The following DEAF1 variants were observed in gnomAD, a reference collection of about 807,000 sequenced individuals.
The protein encoded by DEAF1 is DEAF1 transcription factor.
In DEAF1, 53 loss-of-function variants were observed where a neutral mutation model predicts 58.9. The ratio of observed to expected loss-of-function variants is 0.90; its 90% CI spans 0.72 to 1.13. The LOEUF is 1.13. DEAF1 is among the 50% of genes most tolerant of loss of function. The pLI, the probability that DEAF1 is intolerant of heterozygous loss-of-function variation, is 0.00. For synonymous variants in DEAF1, 385 were observed against 340.4 expected (o/e 1.13, Z -1.44); for missense variants, 685 against 791.4 (o/e 0.87, Z 1.61).
chr11:703,633 A>G, intron 1 of DEAF1: 1 of 1,232,874 alleles, frequency 8.1e-7, no homozygotes, highest in Non-Finnish European at 1.0e-6. Flanking sequence ...GTCGGGCTGG[A>G]GACGCAGGAT....
At position 686,838 on chromosome 11, in the gene DEAF1, G is replaced by A; in HGVS notation, c.804+20C>T. 6.2e-7 allele frequency: 1 copy of A among 1,613,958 alleles called. No individual in the cohort carries two copies. Among genetic ancestry groups the A allele is most frequent in the South Asian group, 1.1e-5 (1 of 91,090 alleles). ...ACGTCTGAACTGTGTGCTGAGCACA[G>A]GTGAGGTCACGGACGATACCTGGAT... On this transcript the variant is annotated intron_variant, in intron 5 of 11. Transcript: ENST00000382409.
At chr11:686,498 T>C (rs1860598938) in intron 5 of DEAF1, among the ~76,000 whole-genome samples, 1 of 152,150 alleles carries the variant, frequency 6.6e-6, no homozygotes, top group African/African-American at 2.4e-5. Context: ...AGAAGTTAGG[T>C]GACTTTGAAA....
chr11:692,853 C>CAA (rs397953739), intron 1 of DEAF1, among the ~76,000 whole-genome samples: 278 of 140,826 alleles, frequency 2.0e-3, no homozygotes, highest in Non-Finnish European at 2.1e-3. Context: ...AACTCCGTCT[C>CAA]AAAAAAAAAA....
chr11:651,613 G>A (rs1858776235), intron 11 of DEAF1, among the ~76,000 whole-genome samples: 1 of 152,136 alleles, frequency 6.6e-6, no homozygotes, highest in Non-Finnish European at 1.5e-5. Flanking sequence ...GCTGGGCACG[G>A]TGGCTCACGC....
chr11:667,402 GGGAGGGAA>G lies in DEAF1; in HGVS notation c.1503+7126_1503+7133del, dbSNP rs1469256167. 3.2e-3 allele frequency among the ~76,000 whole-genome samples: 463 copies of G among 146,306 alleles called. 4 individuals are homozygous for G. Among genetic ancestry groups the G allele is most frequent in the Middle Eastern group, 3.4e-3 (1 of 290 alleles). On this transcript the variant is annotated intron_variant, in intron 10 of 11. Transcript: ENST00000382409. The stretch of plus-strand genomic sequence containing the variant: ...AAGGAAGGAAGGAGAGAGGGAGGGA[GGGAGGGAA>G]GGAGGGAAGGAGGAAAAGAGGAAAG...
chr11:656,498 T>C (rs1859061600), intron 10 of DEAF1, among the ~76,000 whole-genome samples: 1 of 152,262 alleles, frequency 6.6e-6, no homozygotes, highest in Admixed American at 6.5e-5. Context: ...ACAGAGAAGC[T>C]TCTCGAAGGA....
intron 10 of DEAF1, among the ~76,000 whole-genome samples, chr11:666,897 AG>A (rs370267164): frequency 1.3e-5 from 2 of 149,240 alleles, no homozygotes; most frequent in East Asian, 2.0e-4. Context: ...AAAAAAAAAA[AG>A]AAAAAAAGAA....
At chr11:687,499 G>T (rs567815431) in intron 4 of DEAF1, among the ~76,000 whole-genome samples, 1 of 152,154 alleles carries the variant, frequency 6.6e-6, no homozygotes, top group Non-Finnish European at 1.5e-5. Context: ...TTTTGTTGTC[G>T]TTGTTGTTGA....
intron 11 of DEAF1, among the ~76,000 whole-genome samples, chr11:652,772 A>G (rs1308207505): frequency 6.6e-6 from 1 of 152,158 alleles, no homozygotes; most frequent in Non-Finnish European, 1.5e-5. Flanking sequence ...AATATGAGAA[A>G]AAAAAACCAT....
chr11:693,007 A>C (rs1364964960), intron 1 of DEAF1, among the ~76,000 whole-genome samples: 1 of 152,210 alleles, frequency 6.6e-6, no homozygotes, highest in East Asian at 1.9e-4. Flanking sequence ...CAGCCCTGGG[A>C]GCAGCCGCCC....
rs1263914066 is a variant in DEAF1, at chr11:678,835, A to G, written c.1127-13T>C. ...CTGGCCTCTTGGACTGTTGGGGAGAAAAAGGACAGGGAGGCTCGGGATGGT... is the reference window on the plus strand; with the variant it reads ...CTGGCCTCTTGGACTGTTGGGGAGAGAAAGGACAGGGAGGCTCGGGATGGT... On this transcript the variant is annotated splice_polypyrimidine_tract_variant and intron_variant, in intron 8 of 11. Transcript: ENST00000382409. The G allele has an allele frequency of 6.2e-7, 1 of 1,613,574 alleles. No homozygotes were observed. Among genetic ancestry groups the G allele is most frequent in the Admixed American group, 1.7e-5 (1 of 59,994 alleles).
upstream of DEAF1, chr11:695,783 A>C (rs1861106093): frequency 8.1e-7 from 1 of 1,236,546 alleles, no homozygotes; most frequent in South Asian, 3.8e-5. Context: ...GCGCGGGCCG[A>C]GAGGCTGCCG....
chr11:654,047 G>T lies in DEAF1; in HGVS notation c.1508C>A (p.Ser503Tyr), dbSNP rs764483994. Residue 503 changes from serine (S) to tyrosine (Y), a missense_variant, in exon 11 of 12, where the codon TCC becomes TAC. Physicochemically the swap from Ser to Tyr is moderately radical, Grantham distance 144. Coordinates refer to ENST00000382409, the MANE Select transcript of DEAF1 (RefSeq NM_021008.4). ...AGCCTCCCGGCCGCAGTTAACGCAG[G>T]ACTGCTGCAAGAAGGACACAACAGG... ...IHADAERKEQ[S>Y]CVNCGREAMS... 2 of 1,613,136 alleles carry T rather than the reference G, an allele frequency of 1.2e-6. No homozygotes were observed. Among genetic ancestry groups the T allele is most frequent in the South Asian group, 2.2e-5 (2 of 91,046 alleles).
In DEAF1 at chr11:674,180, T is replaced by C. The variant is rs142103714; in HGVS notation, c.1503+356A>G. On this transcript the variant is annotated intron_variant, in intron 10 of 11. Coordinates refer to ENST00000382409, the MANE Select transcript of DEAF1 (RefSeq NM_021008.4). ...CAGTCGCTGATACTCAGAGACTCAA[T>C]AGATGATGTTCTCCAAACTTCATAA... is the stretch of plus-strand genomic sequence containing the variant. 279 of 343,764 alleles carry C rather than the reference T, an allele frequency of 8.1e-4. 4 individuals carry two copies. The Admixed American group carries it at 9.4e-3, about 12-fold the overall frequency. The allele number at this position is 343,764 out of a possible 1,614,324, so 21.3% of individuals were successfully genotyped here.
intron 1 of DEAF1, chr11:700,826 C>T (rs1005811948): frequency 6.3e-6 from 6 of 959,916 alleles, no homozygotes; most frequent in African/African-American, 4.8e-5. Context: ...ATCCAAACTG[C>T]TTACCCAGTT....
At chr11:693,950 C>T (rs1177108397) in intron 1 of DEAF1, among the ~76,000 whole-genome samples, 1 of 152,082 alleles carries the variant, frequency 6.6e-6, no homozygotes, top group Non-Finnish European at 1.5e-5. Flanking sequence ...GGAGCCTGCA[C>T]AGGTGGCTCC....
Position 674,721 on chromosome 11 carries a change from C to A in DEAF1, c.1318G>T (p.Ala440Ser). Residue 440 changes from alanine (A) to serine (S), a missense_variant, in exon 10 of 12, where the codon GCG becomes TCG. By Grantham distance (99) the Ala-to-Ser change is moderately conservative. Transcript: ENST00000382409. The part of the protein sequence containing the change: ...PPTPTKAAPP[A>S]LVNGLELSEP... Reference sequence around the variant, plus strand: ...GACAGCTCCAGCCCATTGACCAACGCGGGAGGTGCCGCTTTGGTGGGAGTC... The same window carrying A: ...GACAGCTCCAGCCCATTGACCAACGAGGGAGGTGCCGCTTTGGTGGGAGTC... 6.2e-7 allele frequency: 1 copy of A among 1,613,888 alleles called. No homozygotes were observed. The highest frequency in any genetic ancestry group is 8.5e-7 in the Non-Finnish European group (1 of 1,180,032).
rs1255983306 is a variant in DEAF1, at chr11:703,792, C to A, written c.-438+2780G>T. The A allele has an allele frequency of 3.2e-6, 4 of 1,233,084 alleles. No homozygotes were observed. The African/African-American group carries it at 4.7e-5, about 14-fold the overall frequency. 76.4% of individuals were successfully genotyped at this position (1,233,084 alleles called of 1,614,324 possible). ...CAATTTCCATCTTAGCCACACTTCT[C>A]CCTTCAGGGGCTTCGGAGGAGAGGT... is the stretch of plus-strand genomic sequence containing the variant. On this transcript the variant is annotated intron_variant, in intron 1 of 11. Coordinates refer to the DEAF1 transcript ENST00000683307.
intron 2 of DEAF1, among the ~76,000 whole-genome samples, chr11:691,149 G>T (rs985102571): frequency 6.6e-6 from 1 of 152,348 alleles, no homozygotes; most frequent in African/African-American, 2.4e-5. Flanking sequence ...TCTTTCAGCT[G>T]GCCCTGCAGC....
Sources: gnomAD v4.1 joint callset for allele counts (sites outside exome capture counted in the v4.1 genomes callset) on GRCh38, gnomAD v4.1.1 for gene constraint, MANE v1.5 for transcripts, NCBI Gene and HGNC (gene_info 2026-07-23, HGNC 2026-07-21) for gene names.